The following KCNIP4 variants were observed in gnomAD, a reference collection of about 807,000 sequenced individuals.
KCNIP4 encodes potassium voltage-gated channel interacting protein 4.
A neutral mutation model predicts 34.0 loss-of-function variants in KCNIP4; 12 were observed. That is an observed-to-expected ratio of 0.35 (90% CI 0.23 to 0.57). The LOEUF (loss-of-function observed/expected upper bound fraction) is 0.57, where lower values mean the gene tolerates loss of function less well. KCNIP4 is among the 20% of genes least tolerant of loss of function. KCNIP4 has a pLI of 0.83. For synonymous variants in KCNIP4, 124 were observed against 102.2 expected (o/e 1.21, Z -1.29); for missense variants, 238 against 311.7 (o/e 0.76, Z 1.78).
chr4:20,864,259 C>T (rs952222744), intron 2 of KCNIP4, among the ~76,000 whole-genome samples: 4 of 150,412 alleles, frequency 2.7e-5, no homozygotes, highest in South Asian at 2.1e-4. Context: ...TATATGCACA[C>T]ATATGTATGT....
chr4:20,773,089 G>A (rs922752901), intron 3 of KCNIP4, among the ~76,000 whole-genome samples: 23 of 150,726 alleles, frequency 1.5e-4, no homozygotes, highest in African/African-American at 5.1e-4. Context: ...AGTTCTTGTT[G>A]CAAAACTTTC....
At chr4:21,380,172 C>T (rs1037759675) in intron 1 of KCNIP4, among the ~76,000 whole-genome samples, 1 of 152,018 alleles carries the variant, frequency 6.6e-6, no homozygotes, top group Middle Eastern at 3.2e-3. Flanking sequence ...AAACGCTACA[C>T]TAAAACCTAA....
At chr4:21,888,476 T>G (rs1048765794) in intron 1 of KCNIP4, among the ~76,000 whole-genome samples, 2 of 152,070 alleles carry the variant, frequency 1.3e-5, no homozygotes, top group Non-Finnish European at 2.9e-5. Context: ...ATAATAATGT[T>G]GCACCCAAAG....
intron 1 of KCNIP4, among the ~76,000 whole-genome samples, chr4:21,065,811 A>G (rs927424132): frequency 6.8e-6 from 1 of 148,000 alleles, no homozygotes; most frequent in African/African-American, 2.5e-5. Flanking sequence ...CATCACATGA[A>G]TTAAGAATGT....
intron 1 of KCNIP4, among the ~76,000 whole-genome samples, chr4:21,500,178 A>G (rs1343318414): frequency 6.6e-6 from 1 of 152,186 alleles, no homozygotes. Context: ...TAAGCATTAA[A>G]TTCCTACAAT....
intron 2 of KCNIP4, among the ~76,000 whole-genome samples, chr4:20,879,468 G>C (rs1011371711): frequency 1.3e-5 from 2 of 152,148 alleles, no homozygotes; most frequent in Non-Finnish European, 2.9e-5. Context: ...AAACATCAAA[G>C]TCAAGATATG....
Position 20,734,673 on chromosome 4 carries a change from T to C in KCNIP4, c.492A>G (p.Ala164=). 1 of 1,601,498 alleles carries C rather than the reference T, an allele frequency of 6.2e-7. No homozygotes were observed. Among genetic ancestry groups the C allele is most frequent in the Non-Finnish European group, 8.5e-7 (1 of 1,173,578 alleles). Residue 164 remains alanine (A), a synonymous_variant, in exon 6 of 9, where the codon GCA becomes GCG. Coordinates refer to ENST00000382152, the MANE Select transcript of KCNIP4 (RefSeq NM_025221.6). ...RGTVQEKLNW[A]FNLYDINKDG... ...CTTTATTTATGTCATACAGATTAAA[T>C]GCCCAATTGAGTTTTTCTTGTACTG...
chr4:21,193,791 T>A (rs1001903045), intron 1 of KCNIP4, among the ~76,000 whole-genome samples: 6 of 152,070 alleles, frequency 3.9e-5, no homozygotes, highest in African/African-American at 1.4e-4. Context: ...CAGGATGGTC[T>A]CGATCTCCTG....
intron 1 of KCNIP4, among the ~76,000 whole-genome samples, chr4:21,634,751 A>T (rs924257659): frequency 3.9e-5 from 6 of 152,190 alleles, no homozygotes; most frequent in African/African-American, 1.4e-4. Flanking sequence ...ACAGGATCTC[A>T]GAAGGATTAA....
At chr4:21,626,971 G>C (rs1560573647) in intron 1 of KCNIP4, among the ~76,000 whole-genome samples, 2 of 152,092 alleles carry the variant, frequency 1.3e-5, no homozygotes, top group Admixed American at 1.3e-4. Context: ...AATGGATTTA[G>C]ATATATAAAG....
Position 20,930,661 on chromosome 4 carries a change from A to G in KCNIP4, c.62-47952T>C, listed in dbSNP as rs114661370. 3.8e-3 allele frequency among the ~76,000 whole-genome samples: 582 copies of G among 152,230 alleles called. 2 individuals carry two copies. Among genetic ancestry groups the G allele is most frequent in the African/African-American group, 0.014 (566 of 41,564 alleles). ...TTGTAAAGAACACTTACAAATGAGT[A>G]ACAGAAACAACAAACAGCTTGATTA... On this transcript the variant is annotated intron_variant, in intron 1 of 8. Coordinates refer to ENST00000382152, the MANE Select transcript of KCNIP4 (RefSeq NM_025221.6).
chr4:20,983,994 T>C, intron 1 of KCNIP4: 2 of 1,521,548 alleles, frequency 1.3e-6, no homozygotes, highest in Non-Finnish European at 1.8e-6. Flanking sequence ...TACAGAATCG[T>C]AGCAACGTCA....
At chr4:20,765,052 C>T (rs951641669) in intron 3 of KCNIP4, among the ~76,000 whole-genome samples, 5 of 152,192 alleles carry the variant, frequency 3.3e-5, no homozygotes, top group Non-Finnish European at 7.3e-5. Context: ...TTGACAGAGA[C>T]ATCTTTTTGC....
intron 1 of KCNIP4, among the ~76,000 whole-genome samples, chr4:20,959,418 C>A (rs1417588008): frequency 6.6e-6 from 1 of 152,096 alleles, no homozygotes; most frequent in Non-Finnish European, 1.5e-5. Context: ...TAAGGCTTGG[C>A]CCCAAAATGC....
At chr4:21,859,188 C>T (rs1342418039) in intron 1 of KCNIP4, among the ~76,000 whole-genome samples, 1 of 152,168 alleles carries the variant, frequency 6.6e-6, no homozygotes, top group Non-Finnish European at 1.5e-5. Context: ...CTGAACTAGT[C>T]ATCCCTATGC....
intron 1 of KCNIP4, among the ~76,000 whole-genome samples, chr4:21,248,105 A>G (rs1314021644): frequency 6.6e-6 from 1 of 150,662 alleles, no homozygotes; most frequent in Non-Finnish European, 1.5e-5. Context: ...TACACATGCA[A>G]TAATATAAAA....
intron 1 of KCNIP4, among the ~76,000 whole-genome samples, chr4:21,539,961 G>C (rs1347913404): frequency 6.8e-6 from 1 of 147,818 alleles, no homozygotes; most frequent in African/African-American, 2.5e-5. Flanking sequence ...TTGGGCAACA[G>C]AGCTAGACTC....
At chr4:21,854,195 G>A (rs1226189222) in intron 1 of KCNIP4, among the ~76,000 whole-genome samples, 6 of 152,092 alleles carry the variant, frequency 3.9e-5, no homozygotes, top group Admixed American at 2.6e-4. Context: ...ATGATAAAAC[G>A]GTAAGTATCA....
intron 1 of KCNIP4, among the ~76,000 whole-genome samples, chr4:21,915,329 A>C (rs909499732): frequency 1.3e-5 from 2 of 152,236 alleles, no homozygotes; most frequent in African/African-American, 4.8e-5. Flanking sequence ...TGAAGCATAT[A>C]AAGAAGAGGA....
Sources: allele counts gnomAD v4.1 joint callset (sites outside exome capture counted in the v4.1 genomes callset), GRCh38; gene constraint gnomAD v4.1.1; transcripts MANE v1.5; gene names NCBI Gene and HGNC (gene_info 2026-07-23, HGNC 2026-07-21).